NCALD: variants seen among roughly 807,000 people sequenced by gnomAD.
NCALD encodes neurocalcin delta, also known as neurocalcin-delta.
NCALD carries 10 observed loss-of-function variants against 18.6 expected under a neutral mutation model. The ratio of observed to expected loss-of-function variants is 0.54; its 90% CI spans 0.33 to 0.91. The LOEUF (loss-of-function observed/expected upper bound fraction) is 0.91, where lower values mean the gene tolerates loss of function less well. Among genes scored for constraint, NCALD ranks in the 40% least tolerant of loss-of-function variants. NCALD has a pLI of 0.03. For missense variants in NCALD, 184 were observed against 247.6 expected (o/e 0.74, Z 1.72); for synonymous variants, 88 against 87.4 (o/e 1.01, Z -0.04).
chr8:102,083,197 C>T (rs963285246), intron 1 of NCALD, among the ~76,000 whole-genome samples: 2 of 152,216 alleles, frequency 1.3e-5, no homozygotes, highest in African/African-American at 4.8e-5. Flanking sequence ...GGCTCCATAA[C>T]TTTGACTCTG....
chr8:101,874,816 C>G (rs546134834), intron 4 of NCALD, among the ~76,000 whole-genome samples: 5 of 152,174 alleles, frequency 3.3e-5, no homozygotes, highest in African/African-American at 4.8e-5. Flanking sequence ...GTATGAGCCA[C>G]TGTGCCCAGC....
rs1263684597 is a variant in NCALD at position 101,689,367 on chromosome 8, C to T, written c.524G>A (p.Ser175Asn). 1 of 1,612,666 alleles carries T rather than the reference C, an allele frequency of 6.2e-7. No homozygotes were observed. Among genetic ancestry groups the T allele is most frequent in the Non-Finnish European group, 8.5e-7 (1 of 1,179,364 alleles). The change falls in exon 4 of 4, where the codon AGC (serine) becomes AAC (asparagine). Residue 175 changes from serine to asparagine, a missense_variant. Transcript: ENST00000220931. The surrounding 1 kb of genome is among the most constrained non-coding windows in gnomAD (Gnocchi z 4.4). ...SLEEFIRGAKSDPSIVRLLQC... is the reference protein window; with the variant it reads ...SLEEFIRGAKNDPSIVRLLQC... ...CAGGAGGCGCACAATGGACGGGTCG[C>T]TTTTGGCTCCTCGGATGAACTCTTC... is the stretch of plus-strand genomic sequence containing the variant.
At chr8:102,114,152 G>T (rs1825715888) in intron 1 of NCALD, among the ~76,000 whole-genome samples, 1 of 152,206 alleles carries the variant, frequency 6.6e-6, no homozygotes, top group South Asian at 2.1e-4. Context: ...TGGATGAGAT[G>T]ACTTCCCCAA....
At chr8:101,899,802 A>C (rs1051763448) in intron 3 of NCALD, among the ~76,000 whole-genome samples, 4 of 151,910 alleles carry the variant, frequency 2.6e-5, no homozygotes, top group Admixed American at 2.6e-4. Flanking sequence ...TCTCACATCT[A>C]TCTTTATAAG....
At chr8:102,074,279 G>C (rs988709116) in intron 1 of NCALD, among the ~76,000 whole-genome samples, 1 of 152,144 alleles carries the variant, frequency 6.6e-6, no homozygotes, top group African/African-American at 2.4e-5. Flanking sequence ...ATTTTTTCAG[G>C]ATTTGATGGG....
intron 2 of NCALD, among the ~76,000 whole-genome samples, chr8:101,710,570 T>G (rs1205522650): frequency 1.3e-5 from 2 of 152,210 alleles, no homozygotes; most frequent in African/African-American, 2.4e-5. Context: ...ATGCTCCAGC[T>G]TGGTGCAGGG....
chr8:101,720,175 G>A (rs1168174170), intron 1 of NCALD, among the ~76,000 whole-genome samples: 1 of 152,084 alleles, frequency 6.6e-6, no homozygotes, highest in Non-Finnish European at 1.5e-5. Context: ...TATAAACACA[G>A]ACATAAAGAC....
chr8:101,694,570 C>T (rs998515030), intron 2 of NCALD, among the ~76,000 whole-genome samples: 4 of 152,098 alleles, frequency 2.6e-5, no homozygotes, highest in Middle Eastern at 3.2e-3. Context: ...GACTCTGCAG[C>T]GACTTGGTCT....
At chr8:101,827,896 C>T (rs1261556942) in intron 4 of NCALD, among the ~76,000 whole-genome samples, 1 of 152,182 alleles carries the variant, frequency 6.6e-6, no homozygotes, top group East Asian at 1.9e-4. Context: ...GAGTTCTATA[C>T]CACCCTCAAA....
chr8:102,009,234 G>A (rs1260667743), intron 2 of NCALD, among the ~76,000 whole-genome samples: 4 of 152,186 alleles, frequency 2.6e-5, no homozygotes, highest in Admixed American at 1.3e-4. Context: ...GTGGTCCAAT[G>A]ACCTTTCTAT....
At chr8:101,966,254 TA>T (rs1347422834) in intron 2 of NCALD, among the ~76,000 whole-genome samples, 1 of 151,888 alleles carries the variant, frequency 6.6e-6, no homozygotes, top group African/African-American at 2.4e-5. Context: ...TTTTAAAGGT[TA>T]AAATACATGT....
chr8:102,006,125 T>C lies in NCALD; in HGVS notation c.-157+14112A>G, dbSNP rs570913002. On this transcript the variant is annotated intron_variant, in intron 2 of 6. Transcript: ENST00000311028. ...TAGTATATGTCGCTCTCAAAATCCA[T>C]GATCAATTCTAAGACTGTATCTCAG... Among the ~76,000 whole-genome samples, 15 of 152,282 alleles carry C rather than the reference T, an allele frequency of 9.9e-5. No individual in the cohort carries two copies. The South Asian group carries it at 2.9e-3, about 29-fold the overall frequency.
At chr8:101,750,658 C>A (rs185561205) in intron 1 of NCALD, 29 of 152,384 alleles carry the variant, frequency 1.9e-4, no homozygotes, top group Admixed American at 1.7e-3. Context: ...AGGACACTTT[C>A]ATTCTCCTTT....
At chr8:101,710,712 T>A (rs578202521) in intron 2 of NCALD, among the ~76,000 whole-genome samples, 1 of 152,346 alleles carries the variant, frequency 6.6e-6, no homozygotes, top group South Asian at 2.1e-4. Flanking sequence ...GATGCCTCTC[T>A]AGATTCTTCC....
At chr8:102,083,345 T>C (rs1222882428) in intron 1 of NCALD, among the ~76,000 whole-genome samples, 2 of 152,218 alleles carry the variant, frequency 1.3e-5, no homozygotes, top group Non-Finnish European at 2.9e-5. Flanking sequence ...CAGACCATTC[T>C]AGAACACCCT....
intron 1 of NCALD, among the ~76,000 whole-genome samples, chr8:101,764,310 G>A (rs976260503): frequency 5.3e-5 from 8 of 152,142 alleles, no homozygotes; most frequent in South Asian, 2.1e-4. Flanking sequence ...AGCAGCTGTC[G>A]AGATAGGAGG....
At chr8:101,931,092 G>A (rs755580370) in intron 2 of NCALD, among the ~76,000 whole-genome samples, 11 of 152,274 alleles carry the variant, frequency 7.2e-5, no homozygotes, top group South Asian at 6.2e-4. Flanking sequence ...GTCCGCCAGC[G>A]TGGACCACTC....
At chr8:101,926,248 C>T (rs1818332999) in intron 2 of NCALD, among the ~76,000 whole-genome samples, 1 of 152,216 alleles carries the variant, frequency 6.6e-6, no homozygotes, top group Admixed American at 6.5e-5. Flanking sequence ...CCCCAGTTCC[C>T]TTGGTTCTCA....
At chr8:101,771,345 G>C (rs1811578572) in intron 1 of NCALD, among the ~76,000 whole-genome samples, 2 of 152,196 alleles carry the variant, frequency 1.3e-5, no homozygotes, top group Admixed American at 1.3e-4. Flanking sequence ...TAGGATGCAG[G>C]AGCATGAAGC....
Sources: allele counts gnomAD v4.1 joint callset (sites outside exome capture counted in the v4.1 genomes callset), GRCh38; gene constraint gnomAD v4.1.1; non-coding constraint Gnocchi (gnomAD v3.1); transcripts MANE v1.5; gene names NCBI Gene and HGNC (gene_info 2026-07-23, HGNC 2026-07-21).